Variants in INPP5E observed in about 807,000 individuals in gnomAD.
INPP5E encodes the protein phosphatidylinositol polyphosphate 5-phosphatase type IV.
A neutral mutation model predicts 50.5 loss-of-function variants in INPP5E; 34 were observed. That is an observed-to-expected ratio of 0.67 (90% CI 0.51 to 0.90). INPP5E has a LOEUF of 0.90. Ranked by LOEUF, INPP5E falls within the 40% of genes least tolerant of loss-of-function variation. INPP5E has a pLI of 0.00. For synonymous variants in INPP5E, 447 were observed against 406.0 expected, an observed-to-expected ratio of 1.10 and a Z score of -1.21; for missense variants, 942 against 905.5, an observed-to-expected ratio of 1.04 and a Z score of -0.52.
chr9:136,438,258 G>A (rs1006904282), intron 1 of INPP5E: 7 of 343,180 alleles, frequency 2.0e-5, no homozygotes, highest in African/African-American at 1.1e-4. Context: ...CTGGGCGACA[G>A]AGAGAGTAAC....
rs1190479338 is a variant in INPP5E at position 136,432,992 on chromosome 9, CA to C, written c.1242del (p.Phe414LeufsTer69). 1 of 1,612,994 alleles carries C rather than the reference CA, an allele frequency of 6.2e-7. No individual in the cohort carries two copies. Among genetic ancestry groups the C allele is most frequent in the Non-Finnish European group, 8.5e-7 (1 of 1,179,658 alleles). ...KGALGISFTF[F>X]GTSFLFITSH... ...GACGTGATGAAGAGGAAGGAAGTGCCAAAAAAGGTGAAGCTGATGCCCAAGG... is the reference window on the plus strand; with the variant it reads ...GACGTGATGAAGAGGAAGGAAGTGCCAAAAAGGTGAAGCTGATGCCCAAGG... On this transcript the variant is annotated frameshift_variant, in exon 5 of 10. Transcript: ENST00000371712. LOFTEE classifies it high-confidence loss of function.
At chr9:136,433,784 G>A (rs1045924884) in intron 3 of INPP5E, among the ~76,000 whole-genome samples, 5 of 152,360 alleles carry the variant, frequency 3.3e-5, no homozygotes, top group East Asian at 1.9e-4. Flanking sequence ...CCACCCAGGC[G>A]TGGAGGCTGC....
At chr9:136,432,824 C>T (rs1044081139) in intron 5 of INPP5E, 132 bp downstream of exon 5, 7 of 1,246,254 alleles carry the variant, frequency 5.6e-6, no homozygotes, top group Middle Eastern at 1.9e-4. Flanking sequence ...TCTTAGCAAG[C>T]GTGGTGCCCA....
rs1835636513 is a variant in INPP5E at position 136,429,001 on chromosome 9, G to A, written c.*674C>T. ...TTCACACAATAGGCTTGGCCTATGA[G>A]AGGAGGGGAAGCAGCTTCTTACTCA... On this transcript the variant is annotated 3_prime_UTR_variant, in exon 10 of 10. Transcript: ENST00000371712. The A allele has an allele frequency of 6.3e-6, 1 of 159,040 alleles. No homozygotes were observed. The allele number at this position is 159,040 out of a possible 1,614,324, so 9.9% of individuals were successfully genotyped here.
chr9:136,438,652 G>A lies in INPP5E; in HGVS notation c.768C>T (p.Ser256=), dbSNP rs546707911. The change falls in exon 1 of 10, where the codon TCC becomes TCT. Residue 256 remains serine, a synonymous_variant. Coordinates refer to ENST00000371712, the MANE Select transcript of INPP5E (RefSeq NM_019892.6). Reference sequence around the variant, plus strand: ...TGCGGATGGGCGCCAGGAGGCTGAAGGAGGATTTGGCCGAGCGAAGGGAAC... The same window carrying A: ...TGCGGATGGGCGCCAGGAGGCTGAAAGAGGATTTGGCCGAGCGAAGGGAAC... The part of the protein sequence containing the change: ...DDCSLRSAKS[S]FSLLAPIRSK... The A allele has an allele frequency of 2.5e-6, 4 of 1,583,042 alleles. No homozygotes were observed. Among genetic ancestry groups the A allele is most frequent in the East Asian group, 2.3e-5 (1 of 43,206 alleles).
At chr9:136,437,441 G>C (rs571470316) in intron 1 of INPP5E, 1 of 152,428 alleles carries the variant, frequency 6.6e-6, no homozygotes, top group East Asian at 1.9e-4. Flanking sequence ...AGAGAGACAG[G>C]GAAGAGGCCA....
intron 1 of INPP5E, chr9:136,438,263 A>G (rs1385401662): frequency 8.4e-6 from 3 of 355,782 alleles, no homozygotes; most frequent in Middle Eastern, 8.5e-4. Flanking sequence ...CGACAGAGAG[A>G]GTAACAAACA....
At chr9:136,438,567 C>A (rs775110530) in intron 1 of INPP5E, 41 bp downstream of exon 1, 3 of 1,500,714 alleles carry the variant, frequency 2.0e-6, no homozygotes, top group South Asian at 2.4e-5. Context: ...AACACTACAA[C>A]GAAGGCGGCG....
Position 136,434,154 on chromosome 9 carries a change from G to A in INPP5E, c.937-20C>T. Reference sequence around the variant, plus strand: ...GAGCTCCTGGAAGGAGGGAGCATGTGGTGGGCCGGCTCCTCCCGAAACCTG... The same window carrying A: ...GAGCTCCTGGAAGGAGGGAGCATGTAGTGGGCCGGCTCCTCCCGAAACCTG... On this transcript the variant is annotated intron_variant, in intron 2 of 9. Transcript: ENST00000371712. The A allele has an allele frequency of 4.4e-6, 7 of 1,576,914 alleles. No individual in the cohort carries two copies. Among genetic ancestry groups the A allele is most frequent in the Non-Finnish European group, 5.2e-6 (6 of 1,158,648 alleles).
intron 8 of INPP5E, 60 bp from the exon 9 acceptor site, chr9:136,430,473 C>T: frequency 6.5e-6 from 10 of 1,541,448 alleles, no homozygotes; most frequent in Non-Finnish European, 7.9e-6. Context: ...TGGGGCGTGG[C>T]CCGCTCACCT....
At chr9:136,432,701 C>T (rs1588833772) in intron 5 of INPP5E, 115 bp from the exon 6 acceptor site, 2 of 911,820 alleles carry the variant, frequency 2.2e-6, no homozygotes, top group Non-Finnish European at 3.5e-6. Context: ...CGCAACCCCA[C>T]CGGGCATCCG....
intron 7 of INPP5E, 90 bp from the exon 8 acceptor site, chr9:136,431,207 G>GCCCCCCCCCCCCCCCCCCCC: frequency 1.5e-6 from 1 of 683,514 alleles, no homozygotes; most frequent in Non-Finnish European, 2.4e-6. Context: ...CTCCCACCAC[G>GCCCCCCCCCCCCCCCCCCCC]CCCACCCTCC....
intron 9 of INPP5E, 85 bp from the exon 10 acceptor site, chr9:136,429,892 CA>C: frequency 2.0e-6 from 2 of 985,304 alleles, no homozygotes; most frequent in Non-Finnish European, 1.6e-6. Context: ...GAGGAGGGGG[CA>C]TTTAAGAGGA....
At position 136,430,420 on chromosome 9, in the gene INPP5E, G is replaced by A; in HGVS notation, c.1666-7C>T. 6.4e-7 allele frequency: 1 copy of A among 1,554,522 alleles called. No homozygotes were observed. Among genetic ancestry groups the A allele is most frequent in the South Asian group, 1.2e-5 (1 of 84,324 alleles). On this transcript the variant is annotated splice_region_variant and splice_polypyrimidine_tract_variant and intron_variant, in intron 8 of 9. Transcript: ENST00000371712. Reference sequence around the variant, plus strand: ...TTCTGTACAAGACGCGGTCCTTTGGGAAGATTGCAGAGGCAGGAGGTCCAG... The same window carrying A: ...TTCTGTACAAGACGCGGTCCTTTGGAAAGATTGCAGAGGCAGGAGGTCCAG...
intron 6 of INPP5E, among the ~76,000 whole-genome samples, chr9:136,432,202 C>T (rs975105128): frequency 1.3e-5 from 2 of 152,200 alleles, no homozygotes; most frequent in East Asian, 1.9e-4. Flanking sequence ...GCGATGGCCA[C>T]GTCCCTGCTC....
At position 136,429,446 on chromosome 9, in the gene INPP5E, G is replaced by A. The variant is rs1312408454; in HGVS notation, c.*229C>T. The A allele has an allele frequency of 1.5e-6, 1 of 647,398 alleles. No individual in the cohort carries two copies. Among genetic ancestry groups the A allele is most frequent in the Non-Finnish European group, 2.8e-6 (1 of 357,348 alleles). 40.1% of individuals were successfully genotyped at this position (647,398 alleles called of 1,614,324 possible). On this transcript the variant is annotated 3_prime_UTR_variant, in exon 10 of 10. Coordinates refer to ENST00000371712, the MANE Select transcript of INPP5E (RefSeq NM_019892.6). ...CAAACCCTGCCACCCATGCTGTATG[G>A]ACCTGCCATGGAGACGGGGGTCCAA...
At chr9:136,432,077 G>T in intron 6 of INPP5E, 92 bp from the exon 7 acceptor site, 1 of 1,526,642 alleles carries the variant, frequency 6.6e-7, no homozygotes, top group Admixed American at 1.7e-5. Flanking sequence ...GCTCTCAGGG[G>T]AAGTGGGTCT....
rs368026621 is a variant in INPP5E at position 136,430,336 on chromosome 9, C to G, written c.1743G>C (p.Thr581=). 152 of 1,553,096 alleles carry G rather than the reference C, an allele frequency of 9.8e-5. No homozygotes were observed. Among genetic ancestry groups the G allele is most frequent in the Admixed American group, 1.4e-4 (7 of 51,064 alleles). The stretch of plus-strand genomic sequence containing the variant: ...GGCCATACACAGGGCGGTGGTCGGA[C>G]GTCTTGATCCCGGGGCAGGAAGAGT... ...VSYSSCPGIK[T]SDHRPVYGLF... is the part of the protein sequence containing the mutation. Residue 581 remains threonine (T), a synonymous_variant, in exon 9 of 10, where the codon ACG becomes ACC. Coordinates refer to ENST00000371712, the MANE Select transcript of INPP5E (RefSeq NM_019892.6).
intron 8 of INPP5E, 88 bp from the exon 9 acceptor site, chr9:136,430,501 G>GC: frequency 2.0e-6 from 3 of 1,486,406 alleles, no homozygotes; most frequent in East Asian, 2.5e-5. Context: ...GTTCTCAAGC[G>GC]CCCCCCACAA....
Sources: gnomAD v4.1 joint callset for allele counts (sites outside exome capture counted in the v4.1 genomes callset) on GRCh38, gnomAD v4.1.1 for gene constraint, MANE v1.5 for transcripts, NCBI Gene and HGNC (gene_info 2026-07-23, HGNC 2026-07-21) for gene names.